The following ATRNL1 variants were observed in gnomAD, a reference collection of about 807,000 sequenced individuals.
ATRNL1 encodes attractin like 1.
A neutral mutation model predicts 182.7 loss-of-function variants in ATRNL1; 95 were observed. The observed-to-expected ratio is 0.52, with a 90% CI of 0.44 to 0.62. The LOEUF is 0.62. Among genes scored for constraint, ATRNL1 ranks in the 20% least tolerant of loss-of-function variants. The pLI is 0.00. For missense variants in ATRNL1, 1,471 were observed against 1,679.5 expected (o/e 0.88, Z 2.17); for synonymous variants, 576 against 568.3 (o/e 1.01, Z -0.19).
At chr10:115,871,943 C>G (rs1381927138) in intron 28 of ATRNL1, among the ~76,000 whole-genome samples, 1 of 152,130 alleles carries the variant, frequency 6.6e-6, no homozygotes, top group South Asian at 2.1e-4. Flanking sequence ...TGTGTGTTCT[C>G]CCATTTTTCT....
chr10:115,225,835 T>C (rs1267014524), intron 9 of ATRNL1, among the ~76,000 whole-genome samples: 1 of 151,280 alleles, frequency 6.6e-6, no homozygotes, highest in African/African-American at 2.4e-5. Flanking sequence ...AAACAAAATT[T>C]TAGCAGGTGT....
At position 115,737,419 on chromosome 10, in the gene ATRNL1, G is replaced by C. The variant is rs1947988314; in HGVS notation, c.3903+10064G>C. Among the ~76,000 whole-genome samples, 2 of 150,688 alleles carry C rather than the reference G, an allele frequency of 1.3e-5. 1 individual carries two copies. Among genetic ancestry groups the C allele is most frequent in the South Asian group, 4.2e-4 (2 of 4,764 alleles). On this transcript the variant is annotated intron_variant, in intron 27 of 28. Transcript: ENST00000355044. ...CACTGCACTCCAGCCTGGTTGAACA[G>C]AGCAAGACCCTGTCTAAAAAAAAAA...
rs1372227083 is a variant in ATRNL1, at chr10:115,871,494, T to TA, written c.4018+23504dup. Among the ~76,000 whole-genome samples the TA allele has an allele frequency of 2.6e-3, 342 of 133,370 alleles. 8 individuals are homozygous for TA. Among genetic ancestry groups the TA allele is most frequent in the African/African-American group, 0.012 (329 of 27,498 alleles). The allele number at this position is 133,370 out of a possible 152,430, so 87.5% of individuals were successfully genotyped here. On this transcript the variant is annotated intron_variant, in intron 28 of 28. Coordinates refer to ENST00000355044, the MANE Select transcript of ATRNL1 (RefSeq NM_207303.4). ...TTGTGTGTGTGTATATATATATATA[T>TA]ATATATATATGACTTTTGACAATGA...
At chr10:115,856,445 A>AAAAAAAAAAAAAAAAAAAAAAAAC (rs1555102091) in intron 28 of ATRNL1, among the ~76,000 whole-genome samples, 1 of 147,084 alleles carries the variant, frequency 6.8e-6, no homozygotes, top group Non-Finnish European at 1.5e-5. Flanking sequence ...AAAAAAAAAA[A>AAAAAAAAAAAAAAAAAAAAAAAAC]AAAAAGCCAT....
In ATRNL1 at chr10:115,480,598, T is replaced by A. The variant is rs187994454; in HGVS notation, c.3654+11269T>A. Among the ~76,000 whole-genome samples, 126 of 151,270 alleles carry A rather than the reference T, an allele frequency of 8.3e-4. 2 individuals carry two copies. Among genetic ancestry groups the A allele is most frequent in the Non-Finnish European group, 9.8e-4 (66 of 67,358 alleles). On this transcript the variant is annotated intron_variant, in intron 24 of 28. Transcript: ENST00000355044. Reference sequence around the variant, plus strand: ...ATTAGAAATATAAATGTGAATGATATAACAAATATGTAAGAAACACATATA... The same window carrying A: ...ATTAGAAATATAAATGTGAATGATAAAACAAATATGTAAGAAACACATATA...
chr10:115,547,833 T>C (rs1455822566), intron 25 of ATRNL1, among the ~76,000 whole-genome samples: 1 of 152,228 alleles, frequency 6.6e-6, no homozygotes, highest in African/African-American at 2.4e-5. Context: ...TGACTTTCTG[T>C]TGAAAGCAAA....
chr10:115,302,872 C>T (rs1219986585), intron 17 of ATRNL1, among the ~76,000 whole-genome samples: 1 of 152,078 alleles, frequency 6.6e-6, no homozygotes, highest in East Asian at 1.9e-4. Context: ...GAAAAAAGTG[C>T]CAATCTTAGC....
intron 9 of ATRNL1, among the ~76,000 whole-genome samples, chr10:115,218,488 C>T (rs927946530): frequency 6.6e-5 from 10 of 152,194 alleles, no homozygotes; most frequent in African/African-American, 2.4e-4. Context: ...CTGGCTTACT[C>T]GCAAATGGGT....
intron 27 of ATRNL1, among the ~76,000 whole-genome samples, chr10:115,806,718 C>G (rs11197454): frequency 0.47 from 71,567 of 151,924 alleles, 18,407 homozygotes; most frequent in East Asian, 0.76. Context: ...AACAGACTGC[C>G]TGAGTTTAAA....
intron 19 of ATRNL1, among the ~76,000 whole-genome samples, chr10:115,370,664 A>C (rs1303468890): frequency 6.6e-6 from 1 of 152,220 alleles, no homozygotes; most frequent in East Asian, 1.9e-4. Flanking sequence ...CTTGGGTGCT[A>C]TTAAAGGCAT....
intron 26 of ATRNL1, among the ~76,000 whole-genome samples, chr10:115,663,387 A>G (rs955054014): frequency 5.3e-5 from 8 of 152,102 alleles, no homozygotes; most frequent in Non-Finnish European, 1.2e-4. Context: ...TTGTGCATAC[A>G]TAATATAATA....
chr10:115,752,326 A>G (rs1295352279), intron 27 of ATRNL1, among the ~76,000 whole-genome samples: 1 of 152,034 alleles, frequency 6.6e-6, no homozygotes, highest in Non-Finnish European at 1.5e-5. Flanking sequence ...ACCTAGGAGA[A>G]TAAGAAAGAT....
intron 27 of ATRNL1, among the ~76,000 whole-genome samples, chr10:115,754,753 CT>C (rs1948541120): frequency 6.6e-6 from 1 of 152,080 alleles, no homozygotes; most frequent in East Asian, 1.9e-4. Flanking sequence ...TATAAATTGC[CT>C]TGGGCAGTAT....
intron 8 of ATRNL1, among the ~76,000 whole-genome samples, chr10:115,214,925 C>T (rs1849170595): frequency 6.6e-6 from 1 of 152,124 alleles, no homozygotes; most frequent in Non-Finnish European, 1.5e-5. Flanking sequence ...AGGGATCACC[C>T]AGAAATCCAG....
rs758139696 is a variant in ATRNL1, at chr10:115,285,212, T to A, written c.2234-1004T>A. Among the ~76,000 whole-genome samples, 149 of 152,264 alleles carry A rather than the reference T, an allele frequency of 9.8e-4. 3 individuals are homozygous for A. The highest frequency in any genetic ancestry group is 1.6e-3 in the Non-Finnish European group (112 of 67,992). ...TTAAATGAATAAATACATGTATTTG[T>A]TAAAGTTACCATTTTTAATTTTAAA... On this transcript the variant is annotated intron_variant, in intron 14 of 28. Coordinates refer to ENST00000355044, the MANE Select transcript of ATRNL1 (RefSeq NM_207303.4).
intron 9 of ATRNL1, among the ~76,000 whole-genome samples, chr10:115,235,543 T>A (rs189961822): frequency 4.6e-5 from 7 of 152,284 alleles, no homozygotes; most frequent in Middle Eastern, 3.4e-3. Context: ...AGAGTTCGTC[T>A]GTATTATACC....
chr10:115,550,008 C>T (rs1269670652), intron 26 of ATRNL1, among the ~76,000 whole-genome samples: 1 of 151,692 alleles, frequency 6.6e-6, no homozygotes, highest in African/African-American at 2.4e-5. Flanking sequence ...ATCTAATAAT[C>T]CAACTCTGTT....
rs570117874 is a variant in ATRNL1, at chr10:115,135,084, G to A, written c.829+5549G>A. ...ACAAACCCACAGCCAATATCATACC[G>A]AATGGGCAAAAACTGGAAGCATTCC... On this transcript the variant is annotated intron_variant, in intron 5 of 28. Transcript: ENST00000355044. Among the ~76,000 whole-genome samples the A allele has an allele frequency of 3.6e-3, 544 of 152,098 alleles. 4 individuals are homozygous for A. The highest frequency in any genetic ancestry group is 4.9e-3 in the Admixed American group (75 of 15,288).
chr10:115,351,743 TG>T (rs1554941417), intron 19 of ATRNL1, among the ~76,000 whole-genome samples: 1 of 22,172 alleles, frequency 4.5e-5, no homozygotes, highest in African/African-American at 2.0e-4. Context: ...TCTTTTCTTG[TG>T]TTTTGTTTTG....
Sources: gnomAD v4.1 joint callset for allele counts (sites outside exome capture counted in the v4.1 genomes callset) on GRCh38, gnomAD v4.1.1 for gene constraint, MANE v1.5 for transcripts, NCBI Gene and HGNC (gene_info 2026-07-23, HGNC 2026-07-21) for gene names.